MIR2052HG: variants seen among roughly 807,000 people sequenced by gnomAD.
MIR2052HG encodes MIR2052 host gene.
intron 2 of MIR2052HG, among the ~76,000 whole-genome samples, chr8:74,627,381 T>C (rs1808450958): frequency 6.6e-6 from 1 of 152,106 alleles, no homozygotes; most frequent in South Asian, 2.1e-4. Context: ...TATCTGAAAA[T>C]ATGGGCTCAT....
At chr8:74,689,925 C>T (rs889657687) in intron 2 of MIR2052HG, among the ~76,000 whole-genome samples, 4 of 152,040 alleles carry the variant, frequency 2.6e-5, no homozygotes, top group African/African-American at 4.8e-5. Context: ...AGACATTTAC[C>T]AAGAATTAAA....
At chr8:74,727,092 C>T (rs1270381388) in intron 4 of MIR2052HG, among the ~76,000 whole-genome samples, 1 of 152,160 alleles carries the variant, frequency 6.6e-6, no homozygotes, top group South Asian at 2.1e-4. Flanking sequence ...TGAAAATTGT[C>T]GTATCAAGTT....
chr8:74,735,881 T>C (rs552798346), intron 4 of MIR2052HG, among the ~76,000 whole-genome samples: 1 of 152,328 alleles, frequency 6.6e-6, no homozygotes, highest in East Asian at 1.9e-4. Context: ...TCTCTCTTAG[T>C]GCAACACAGA....
intron 2 of MIR2052HG, among the ~76,000 whole-genome samples, chr8:74,630,528 GAAA>G (rs200428495): frequency 7.9e-6 from 1 of 126,080 alleles, no homozygotes; most frequent in Admixed American, 8.4e-5. Context: ...AGATTTCTCT[GAAA>G]AAAAAAAAAA....
chr8:74,637,118 T>C (rs1808589969), intron 2 of MIR2052HG, among the ~76,000 whole-genome samples: 1 of 151,876 alleles, frequency 6.6e-6, no homozygotes, highest in Non-Finnish European at 1.5e-5. Flanking sequence ...TTGTGGAGAG[T>C]AGGAGAAATT....
chr8:74,705,545 C>A (rs1367037905), intron 4 of MIR2052HG: 1 of 167,830 alleles, frequency 6.0e-6, no homozygotes, highest in Non-Finnish European at 1.5e-5. Context: ...AGAGTCTGAT[C>A]TTTCTATAGT....
intron 4 of MIR2052HG, among the ~76,000 whole-genome samples, chr8:74,733,624 ATTTC>A (rs1160216731): frequency 7.0e-6 from 1 of 142,940 alleles, no homozygotes; most frequent in African/African-American, 2.6e-5. Context: ...GTCAAATGGT[ATTTC>A]TAGTTCTAGA....
chr8:74,698,842 C>T (rs1204824320), intron 2 of MIR2052HG, among the ~76,000 whole-genome samples: 10 of 151,960 alleles, frequency 6.6e-5, no homozygotes, highest in Non-Finnish European at 1.0e-4. Context: ...CAAAGCACCA[C>T]GGCACATGTA....
intron 2 of MIR2052HG, among the ~76,000 whole-genome samples, chr8:74,671,906 C>T (rs1808997292): frequency 6.6e-6 from 1 of 152,096 alleles, no homozygotes; most frequent in South Asian, 2.1e-4. Context: ...CCAAACCAAA[C>T]ATTTGCAGGT....
rs188303998 is a variant in MIR2052HG, at chr8:74,730,046, T to C, written n.372-22395T>C. On this transcript the variant is annotated intron_variant and non_coding_transcript_variant, in intron 4 of 6. Coordinates refer to ENST00000523442, the Ensembl canonical transcript of MIR2052HG. ...CTGTTACTGGCTATTGAGCAATAGA[T>C]GAAGATGAGCTGAGTAATTGTTCAA... is the stretch of plus-strand genomic sequence containing the variant. Among the ~76,000 whole-genome samples the C allele has an allele frequency of 6.6e-5, 10 of 152,292 alleles. No homozygotes were observed. The East Asian group carries it at 1.7e-3, about 26-fold the overall frequency.
intron 4 of MIR2052HG, among the ~76,000 whole-genome samples, chr8:74,720,251 T>A (rs1467794448): frequency 6.6e-6 from 1 of 152,172 alleles, no homozygotes; most frequent in African/African-American, 2.4e-5. Flanking sequence ...GAACTCTCAG[T>A]CAACTTAGAT....
chr8:74,681,229 A>G (rs1809121264), intron 2 of MIR2052HG, among the ~76,000 whole-genome samples: 1 of 150,702 alleles, frequency 6.6e-6, no homozygotes, highest in Middle Eastern at 3.4e-3. Flanking sequence ...TAAAAAAAAG[A>G]CACAATGTCA....
chr8:74,629,553 G>T (rs1808480524), intron 2 of MIR2052HG, among the ~76,000 whole-genome samples: 1 of 152,090 alleles, frequency 6.6e-6, no homozygotes, highest in Non-Finnish European at 1.5e-5. Context: ...TTAGTCATAG[G>T]CTTCAGGGCT....
At chr8:74,730,714 C>T (rs1469714050) in intron 4 of MIR2052HG, among the ~76,000 whole-genome samples, 1 of 152,054 alleles carries the variant, frequency 6.6e-6, no homozygotes, top group Non-Finnish European at 1.5e-5. Flanking sequence ...AGTAAATTCA[C>T]TTTTAGGATT....
chr8:74,619,828 A>T (rs1181584850), intron 2 of MIR2052HG, among the ~76,000 whole-genome samples: 1 of 152,192 alleles, frequency 6.6e-6, no homozygotes, highest in Non-Finnish European at 1.5e-5. Flanking sequence ...CCCAAATCTC[A>T]TGTCCTCACA....
chr8:74,612,785 G>A, intron 1 of MIR2052HG: 1 of 427,104 alleles, frequency 2.3e-6, no homozygotes, highest in Admixed American at 2.7e-5. Context: ...TTCTTCATGT[G>A]AGTGTAGTAA....
intron 2 of MIR2052HG, among the ~76,000 whole-genome samples, chr8:74,638,497 C>A (rs1242785363): frequency 6.6e-6 from 1 of 152,108 alleles, no homozygotes; most frequent in African/African-American, 2.4e-5. Flanking sequence ...TCAGCTCTTG[C>A]AATTGCTCAG....
In MIR2052HG at chr8:74,645,409, A is replaced by G. The variant is rs1586901978; in HGVS notation, n.216+32469A>G. Among the ~76,000 whole-genome samples, 7 of 151,670 alleles carry G rather than the reference A, an allele frequency of 4.6e-5. No individual in the cohort carries two copies. In the South Asian group the frequency reaches 1.5e-3, roughly 32 times the overall value. ...CAAGCAATTCTCCTGCCTCAGCCTCATGAGTAGCTGGGACTACAGGCATGT... is the reference window on the plus strand; with the variant it reads ...CAAGCAATTCTCCTGCCTCAGCCTCGTGAGTAGCTGGGACTACAGGCATGT... On this transcript the variant is annotated intron_variant and non_coding_transcript_variant, in intron 2 of 6. Coordinates refer to ENST00000523442, the Ensembl canonical transcript of MIR2052HG.
chr8:74,710,297 G>A (rs1809454608), intron 4 of MIR2052HG, among the ~76,000 whole-genome samples: 1 of 152,078 alleles, frequency 6.6e-6, no homozygotes, highest in African/African-American at 2.4e-5. Flanking sequence ...ATATTTTCAA[G>A]ACTCATAATT....
Sources: allele counts gnomAD v4.1 joint callset (sites outside exome capture counted in the v4.1 genomes callset), GRCh38; gene constraint gnomAD v4.1.1; transcripts MANE v1.5; gene names NCBI Gene and HGNC (gene_info 2026-07-23, HGNC 2026-07-21).